The following ANKHD1 variants were observed in gnomAD, a reference collection of about 807,000 sequenced individuals.
ANKHD1 encodes ankyrin repeat and KH domain containing 1.
A neutral mutation model predicts 230.5 loss-of-function variants in ANKHD1; 31 were observed. That is an observed-to-expected ratio of 0.13 (90% CI 0.10 to 0.18). ANKHD1 has a LOEUF of 0.18. ANKHD1 is among the 10% of genes least tolerant of loss of function. The pLI is 1.00. For synonymous variants in ANKHD1, 1,074 were observed against 1,117.6 expected (o/e 0.96, Z 0.78); for missense variants, 2,256 against 3,071.3 (o/e 0.73, Z 6.27).
intron 10 of ANKHD1, among the ~76,000 whole-genome samples, chr5:140,477,015 G>A (rs964356254): frequency 6.6e-6 from 1 of 152,080 alleles, no homozygotes; most frequent in Non-Finnish European, 1.5e-5. Flanking sequence ...ACACTCAATT[G>A]TTAAAGGGCA....
intron 8 of ANKHD1, 119 bp downstream of exon 8, chr5:140,458,981 C>CATATATATATATATATAT (rs1335940395): frequency 4.4e-5 from 1 of 22,834 alleles, no homozygotes; most frequent in Non-Finnish European, 9.6e-5. Context: ...TATATATATG[C>CATATATATATATATATAT]ATATATATAT....
At chr5:140,500,203 T>G (rs1293260338) in intron 15 of ANKHD1, among the ~76,000 whole-genome samples, 1 of 152,126 alleles carries the variant, frequency 6.6e-6, no homozygotes, top group Non-Finnish European at 1.5e-5. Flanking sequence ...AGAAGATTGG[T>G]TAAAAATCAC....
chr5:140,437,878 G>A (rs1196353797), intron 2 of ANKHD1, among the ~76,000 whole-genome samples: 2 of 152,096 alleles, frequency 1.3e-5, no homozygotes, highest in Non-Finnish European at 2.9e-5. Context: ...ATTTTAGTTT[G>A]CATTCATGTT....
intron 1 of ANKHD1, among the ~76,000 whole-genome samples, chr5:140,434,060 T>A (rs896219122): frequency 2.6e-5 from 4 of 152,210 alleles, no homozygotes; most frequent in African/African-American, 9.6e-5. Context: ...AAGATTCATT[T>A]TGTAAAATTA....
At chr5:140,500,970 T>G (rs1752275779) in intron 15 of ANKHD1, among the ~76,000 whole-genome samples, 1 of 152,102 alleles carries the variant, frequency 6.6e-6, no homozygotes, top group Admixed American at 6.5e-5. Context: ...TAAAGTATCT[T>G]TAACTCTGTA....
intron 14 of ANKHD1, among the ~76,000 whole-genome samples, chr5:140,494,894 AT>A (rs1412874023): frequency 2.0e-5 from 3 of 152,206 alleles, no homozygotes; most frequent in African/African-American, 7.2e-5. Flanking sequence ...TTATTGTTTA[AT>A]TTACATACCA....
intron 4 of ANKHD1, 96 bp downstream of exon 4, chr5:140,440,362 A>C: frequency 7.0e-7 from 1 of 1,434,304 alleles, no homozygotes; most frequent in Non-Finnish European, 9.1e-7. Context: ...ATTAGAGGCC[A>C]GAGTCTTCTC....
Position 140,539,537 on chromosome 5 carries a change from G to C in ANKHD1, c.*119G>C. 12 of 1,114,686 alleles carry C rather than the reference G, an allele frequency of 1.1e-5. No individual in the cohort carries two copies. Among genetic ancestry groups the C allele is most frequent in the Non-Finnish European group, 1.5e-5 (12 of 774,606 alleles). The allele number at this position is 1,114,686 out of a possible 1,614,324, so 69.0% of individuals were successfully genotyped here. ...TCTGAGGCTTTAGCAATGGAAATTTGATTGCCCATTGTATAAGAACAAATT... is the reference window on the plus strand; with the variant it reads ...TCTGAGGCTTTAGCAATGGAAATTTCATTGCCCATTGTATAAGAACAAATT... On this transcript the variant is annotated 3_prime_UTR_variant, in exon 34 of 34. Transcript: ENST00000360839.
intron 1 of ANKHD1, among the ~76,000 whole-genome samples, chr5:140,425,227 A>T (rs1561699580): frequency 6.6e-6 from 1 of 152,196 alleles, no homozygotes; most frequent in African/African-American, 2.4e-5. Flanking sequence ...GAAGCTAACC[A>T]ATTTCAGAAA....
intron 24 of ANKHD1, among the ~76,000 whole-genome samples, chr5:140,516,593 G>A (rs1287488384): frequency 4.6e-5 from 7 of 152,110 alleles, no homozygotes; most frequent in East Asian, 3.9e-4. Context: ...CAGATCTCTC[G>A]GCAGAAACTC....
At chr5:140,492,871 AAAAC>A (rs572227761) in intron 14 of ANKHD1, among the ~76,000 whole-genome samples, 1 of 152,218 alleles carries the variant, frequency 6.6e-6, no homozygotes, top group Non-Finnish European at 1.5e-5. Flanking sequence ...AATCCAATAA[AAAAC>A]TAAATATTTG....
Position 140,525,948 on chromosome 5 carries a change from T to C in ANKHD1, c.4493-48T>C, listed in dbSNP as rs1193297301. 5.3e-6 allele frequency: 8 copies of C among 1,519,214 alleles called. No homozygotes were observed. The African/African-American group carries it at 9.8e-5, about 19-fold the overall frequency. The allele number at this position is 1,519,214 out of a possible 1,614,324, so 94.1% of individuals were successfully genotyped here. On this transcript the variant is annotated intron_variant, in intron 25 of 33. Coordinates refer to ENST00000360839, the MANE Select transcript of ANKHD1 (RefSeq NM_017747.3). ...CAAATATATTCTGTCAGAATTTGTT[T>C]TGAGATCTGTGACTCAGTATGATTT...
chr5:140,459,797 A>G (rs1381567442), intron 9 of ANKHD1, among the ~76,000 whole-genome samples: 1 of 152,164 alleles, frequency 6.6e-6, no homozygotes, highest in Non-Finnish European at 1.5e-5. Context: ...AATTAAAAAT[A>G]CTGTTTAGAA....
chr5:140,468,792 A>C (rs1409373030), intron 10 of ANKHD1, among the ~76,000 whole-genome samples: 3 of 152,154 alleles, frequency 2.0e-5, no homozygotes, highest in African/African-American at 7.2e-5. Flanking sequence ...ACGCATAAAC[A>C]CCTGAGTTAA....
Position 140,485,060 on chromosome 5 carries a change from T to A in ANKHD1, c.1871-61T>A. On this transcript the variant is annotated intron_variant, in intron 11 of 33. Coordinates refer to ENST00000360839, the MANE Select transcript of ANKHD1 (RefSeq NM_017747.3). This position sits in a 1 kb window ranked among gnomAD's most constrained non-coding sequence, Gnocchi z 4.8. ...CTTCACAAAAAATTTTTAAATGATATTGACTATGAACTAGCTTGATGTCAA... is the reference window on the plus strand; with the variant it reads ...CTTCACAAAAAATTTTTAAATGATAATGACTATGAACTAGCTTGATGTCAA... The A allele has an allele frequency of 6.5e-7, 1 of 1,533,926 alleles. No homozygotes were observed. Among genetic ancestry groups the A allele is most frequent in the Non-Finnish European group, 8.8e-7 (1 of 1,133,190 alleles).
chr5:140,508,043 G>T lies in ANKHD1; in HGVS notation c.3765+45G>T, dbSNP rs747499014. 4.2e-5 allele frequency: 66 copies of T among 1,574,670 alleles called. No homozygotes were observed. In the East Asian group the frequency reaches 1.5e-3, roughly 35 times the overall value. On this transcript the variant is annotated intron_variant, in intron 20 of 33. Coordinates refer to ENST00000360839, the MANE Select transcript of ANKHD1 (RefSeq NM_017747.3). Reference sequence around the variant, plus strand: ...CAACTATTTCAGATACATTTCTGTAGAAAGAACATGGCATTTTAACGCAAA... The same window carrying T: ...CAACTATTTCAGATACATTTCTGTATAAAGAACATGGCATTTTAACGCAAA...
At chr5:140,442,224 G>T (rs1363083381) in intron 5 of ANKHD1, among the ~76,000 whole-genome samples, 1 of 151,552 alleles carries the variant, frequency 6.6e-6, no homozygotes. Flanking sequence ...TACTTTTTTA[G>T]TAGAGACGGG....
At chr5:140,510,309 C>CT (rs34693244) in intron 22 of ANKHD1, 128 bp downstream of exon 22, 204,983 of 534,748 alleles carry the variant, frequency 0.38, 21,505 homozygotes, top group African/African-American at 0.41. Flanking sequence ...TCTTTCCATT[C>CT]TTTTTTTTTT....
chr5:140,460,821 T>G (rs954393458), intron 9 of ANKHD1, among the ~76,000 whole-genome samples: 2 of 152,206 alleles, frequency 1.3e-5, no homozygotes, highest in African/African-American at 4.8e-5. Flanking sequence ...ACACCCGGCC[T>G]TAAACCAGAT....
Sources: allele counts gnomAD v4.1 joint callset (sites outside exome capture counted in the v4.1 genomes callset), GRCh38; gene constraint gnomAD v4.1.1; non-coding constraint Gnocchi (gnomAD v3.1); transcripts MANE v1.5; gene names NCBI Gene and HGNC (gene_info 2026-07-23, HGNC 2026-07-21).